The following TMEM68 variants were observed in gnomAD, a reference collection of about 807,000 sequenced individuals.
The protein encoded by TMEM68 is transmembrane protein 68.
Under a neutral mutation model 36.9 loss-of-function variants are expected in TMEM68, and 25 were observed. The ratio of observed to expected loss-of-function variants is 0.68; its 90% CI spans 0.49 to 0.95. The LOEUF is 0.95. TMEM68 is among the 40% of genes least tolerant of loss of function. The pLI is 0.00. For synonymous variants in TMEM68, 131 were observed against 124.4 expected (o/e 1.05, Z -0.35); for missense variants, 333 against 392.0 (o/e 0.85, Z 1.27).
rs1406622463 is a variant in TMEM68 at position 55,751,146 on chromosome 8, AT to A, written c.504del (p.Leu168PhefsTer20). The stretch of plus-strand genomic sequence containing the variant: ...TGTAGAGCACAAAACACATCCAGTA[AT>A]AAACTAAACCCTGTAAGAAACATGA... The part of the protein sequence containing the change: ...HFVFKIPGFS[L>X]LLDVFCALHG... On this transcript the variant is annotated frameshift_variant, in exon 5 of 8. Transcript: ENST00000434581. LOFTEE classifies it high-confidence loss of function. 1.2e-6 allele frequency: 2 copies of A among 1,604,036 alleles called. No homozygotes were observed. Among genetic ancestry groups the A allele is most frequent in the Non-Finnish European group, 1.7e-6 (2 of 1,177,096 alleles).
At chr8:55,748,457 C>T (rs1313350621) in intron 5 of TMEM68, among the ~76,000 whole-genome samples, 2 of 149,694 alleles carry the variant, frequency 1.3e-5, no homozygotes, top group South Asian at 2.1e-4. Flanking sequence ...ATACTTTGTA[C>T]ATGAAGGAGT....
At chr8:55,746,548 T>C (rs185739080) in intron 5 of TMEM68, 2 of 152,200 alleles carry the variant, frequency 1.3e-5, no homozygotes, top group African/African-American at 2.4e-5. Context: ...ATATACATAA[T>C]ATACTGAATT....
Position 55,757,933 on chromosome 8 carries a change from A to G in TMEM68, c.326-1522T>C, listed in dbSNP as rs1184433954. Among the ~76,000 whole-genome samples, 14 of 152,278 alleles carry G rather than the reference A, an allele frequency of 9.2e-5. No homozygotes were observed. The East Asian group carries it at 2.1e-3, about 23-fold the overall frequency. On this transcript the variant is annotated intron_variant, in intron 3 of 7. Transcript: ENST00000434581. The stretch of plus-strand genomic sequence containing the variant: ...CTAAGCCCCAGGAATACAGAGCCCC[A>G]TAAGATTTTAGCTAAACCTGAAAAC...
At chr8:55,756,829 G>T (rs540776259) in intron 3 of TMEM68, among the ~76,000 whole-genome samples, 34 of 152,226 alleles carry the variant, frequency 2.2e-4, no homozygotes, top group African/African-American at 7.0e-4. Flanking sequence ...GAGTGAAATG[G>T]GGGCATCCAC....
At chr8:55,741,387 G>A (rs1359070644) in intron 7 of TMEM68, among the ~76,000 whole-genome samples, 1 of 152,198 alleles carries the variant, frequency 6.6e-6, no homozygotes, top group Admixed American at 6.5e-5. Context: ...GTTCCGTGAT[G>A]TGTATTAAGT....
At chr8:55,745,263 C>A in intron 5 of TMEM68, 142 bp from the exon 6 acceptor site, 1 of 430,058 alleles carries the variant, frequency 2.3e-6, no homozygotes, top group Non-Finnish European at 4.0e-6. Flanking sequence ...TGCCCAATCT[C>A]GTCTGATCCC....
chr8:55,740,751 G>T (rs1810076692), intron 7 of TMEM68, among the ~76,000 whole-genome samples: 1 of 151,384 alleles, frequency 6.6e-6, no homozygotes, highest in South Asian at 2.1e-4. Flanking sequence ...TTATATCAGG[G>T]TCTCACTGTG....
chr8:55,749,131 C>A (rs11998723), intron 5 of TMEM68, among the ~76,000 whole-genome samples: 133,047 of 152,270 alleles, frequency 0.87, 58,190 homozygotes, highest in East Asian at 0.99. Context: ...TTTACAATTA[C>A]AGTAAATGGA....
At position 55,743,611 on chromosome 8, in the gene TMEM68, C is replaced by G. The variant is rs1810172262; in HGVS notation, c.758G>C (p.Arg253Thr). Residue 253 changes from arginine to threonine, a missense_variant, in exon 7 of 8, where the codon AGG becomes ACG. Physicochemically the swap from Arg to Thr is moderately conservative, Grantham distance 71 (BLOSUM62 -1). Coordinates refer to ENST00000434581, the MANE Select transcript of TMEM68 (RefSeq NM_001286657.2). ...ATAGCGGAATTTTTCATAAAGCCAC[C>G]TAAATAACCCTGTTTTAGAGTAAAT... The part of the protein sequence containing the change: ...FRSLGGTRLF[R>T]WLYEKFRYPF... 6.5e-7 allele frequency: 1 copy of G among 1,534,494 alleles called. No individual in the cohort carries two copies.
chr8:55,764,965 G>A (rs867624739), intron 1 of TMEM68, among the ~76,000 whole-genome samples: 1 of 152,096 alleles, frequency 6.6e-6, no homozygotes, highest in Non-Finnish European at 1.5e-5. Flanking sequence ...CCAGCTACTC[G>A]GGAGGCTGAG....
At chr8:55,743,056 G>A (rs189878483) in intron 7 of TMEM68, among the ~76,000 whole-genome samples, 2 of 152,256 alleles carry the variant, frequency 1.3e-5, no homozygotes, top group East Asian at 3.9e-4. Flanking sequence ...ATCTCCTGAA[G>A]TCTGTTCTCA....
At chr8:55,744,217 CTACTAA>C (rs948107893) in intron 6 of TMEM68, among the ~76,000 whole-genome samples, 1 of 103,204 alleles carries the variant, frequency 9.7e-6, no homozygotes, top group African/African-American at 3.7e-5. Context: ...AAGCAAATAA[CTACTAA>C]TACTAATGAC....
chr8:55,753,526 C>A (rs1263149973), intron 4 of TMEM68, among the ~76,000 whole-genome samples: 15 of 152,228 alleles, frequency 9.9e-5, no homozygotes, highest in African/African-American at 3.6e-4. Flanking sequence ...TATGTTTATA[C>A]ACAAATGGCT....
chr8:55,763,718 A>AGGTTTTTATCTTAAATCT (rs1810878531), intron 2 of TMEM68: 1 of 44,622 alleles, frequency 2.2e-5, no homozygotes, highest in African/African-American at 5.6e-5. Flanking sequence ...AAAAGAAAAC[A>AGGTTTTTATCTTAAATCT]TCAATATCTA....
intron 4 of TMEM68, among the ~76,000 whole-genome samples, chr8:55,754,528 C>A (rs1810518529): frequency 7.4e-6 from 1 of 135,378 alleles, no homozygotes; most frequent in African/African-American, 2.8e-5. Context: ...TATATATTTA[C>A]ATATACTTAT....
At position 55,762,860 on chromosome 8, in the gene TMEM68, A is replaced by T. The variant is rs184850575; in HGVS notation, c.100T>A (p.Leu34Met). ...TTTGCAAAATTCAAATAGTCCTCCA[A>T]CTGCTCCACACCAAACCATTCTTCG... ...ILEEWFGVEQ[L>M]EDYLNFANYL... The change falls in exon 3 of 8, where the codon TTG (leucine) becomes ATG (methionine). Residue 34 changes from leucine to methionine, a missense_variant. Physicochemically the swap from Leu to Met is conservative, Grantham distance 15 (BLOSUM62 2). Coordinates refer to ENST00000434581, the MANE Select transcript of TMEM68 (RefSeq NM_001286657.2). 38 of 1,614,180 alleles carry T rather than the reference A, an allele frequency of 2.4e-5. No individual in the cohort carries two copies. In the East Asian group the frequency reaches 5.3e-4, roughly 23 times the overall value.
At position 55,743,591 on chromosome 8, in the gene TMEM68, G is replaced by A. The variant is rs752288387; in HGVS notation, c.778C>T (p.Arg260Cys). The A allele has an allele frequency of 2.3e-5, 36 of 1,534,796 alleles. No homozygotes were observed. The highest frequency in any genetic ancestry group is 1.2e-4 in the African/African-American group (9 of 72,926). Reference protein sequence around the residue: ...RLFRWLYEKFRYPFAPMYGGF... With the variant: ...RLFRWLYEKFCYPFAPMYGGF... The stretch of plus-strand genomic sequence containing the variant: ...CCATACATTGGAGCAAATGGATAGC[G>A]GAATTTTTCATAAAGCCACCTAAAT... The change falls in exon 7 of 8, where the codon CGC becomes TGC. Residue 260 changes from arginine to cysteine, a missense_variant. Physicochemically the swap from Arg to Cys is radical, Grantham distance 180. Transcript: ENST00000434581.
chr8:55,760,621 G>A lies in TMEM68; in HGVS notation c.325+2014C>T, dbSNP rs1302043109. On this transcript the variant is annotated intron_variant, in intron 3 of 7. Coordinates refer to ENST00000434581, the MANE Select transcript of TMEM68 (RefSeq NM_001286657.2). Reference sequence around the variant, plus strand: ...AGTGTATTCCTGTCTGATCAGCTACGAAATAAACATTCAAAAAATAAAGAC... The same window carrying A: ...AGTGTATTCCTGTCTGATCAGCTACAAAATAAACATTCAAAAAATAAAGAC... Among the ~76,000 whole-genome samples the A allele has an allele frequency of 2.6e-5, 4 of 152,138 alleles. No homozygotes were observed. In the South Asian group the frequency reaches 6.2e-4, roughly 24 times the overall value.
intron 1 of TMEM68, among the ~76,000 whole-genome samples, chr8:55,766,829 T>C (rs1810977943): frequency 6.6e-6 from 1 of 152,220 alleles, no homozygotes; most frequent in African/African-American, 2.4e-5. Context: ...GTGATGAAAG[T>C]GGCTTACATA....
Sources: gnomAD v4.1 joint callset for allele counts (sites outside exome capture counted in the v4.1 genomes callset) on GRCh38, gnomAD v4.1.1 for gene constraint, MANE v1.5 for transcripts, NCBI Gene and HGNC (gene_info 2026-07-23, HGNC 2026-07-21) for gene names.